The following KCNH7 variants were observed in gnomAD, a reference collection of about 807,000 sequenced individuals.
KCNH7 encodes the protein voltage-gated inwardly rectifying potassium channel KCNH7.
KCNH7 carries 49 observed loss-of-function variants against 120.8 expected under a neutral mutation model. That is an observed-to-expected ratio of 0.41 (90% confidence interval 0.32 to 0.51). KCNH7 has a LOEUF of 0.51. Among genes scored for constraint, KCNH7 ranks in the 20% least tolerant of loss-of-function variants. The probability of loss-of-function intolerance (pLI) is 0.38; values close to 1 mark genes in which losing one functional copy is unlikely to be tolerated. For synonymous variants in KCNH7, 547 were observed against 516.1 expected (o/e 1.06, Z -0.81); for missense variants, 1,097 against 1,446.6 (o/e 0.76, Z 3.92).
chr2:162,577,350 T>TATCTATCC (rs1553497493), intron 2 of KCNH7, among the ~76,000 whole-genome samples: 1 of 45,154 alleles, frequency 2.2e-5, no homozygotes, highest in East Asian at 3.2e-4. Context: ...CTATCCATCC[T>TATCTATCC]ATCTATCTAT....
chr2:162,750,026 G>A (rs937706320), intron 2 of KCNH7, among the ~76,000 whole-genome samples: 2 of 152,142 alleles, frequency 1.3e-5, no homozygotes, highest in East Asian at 1.9e-4. Context: ...GACTTAGATA[G>A]CCTAGGAAGG....
rs140911221 is a variant in KCNH7 at position 162,573,452 on chromosome 2, C to T, written c.308-36372G>A. Reference sequence around the variant, plus strand: ...TAGCATAATTAAAATAAACGAAGATCAGGCATAAAGATTTAAGCTGACATA... The same window carrying T: ...TAGCATAATTAAAATAAACGAAGATTAGGCATAAAGATTTAAGCTGACATA... On this transcript the variant is annotated intron_variant, in intron 2 of 15. Coordinates refer to ENST00000332142, the MANE Select transcript of KCNH7 (RefSeq NM_033272.4). 3.0e-3 allele frequency among the ~76,000 whole-genome samples: 456 copies of T among 152,074 alleles called. 1 individual carries two copies. The highest frequency in any genetic ancestry group is 0.01 in the African/African-American group (433 of 41,504).
chr2:162,729,582 TC>T (rs1460580335), intron 2 of KCNH7, among the ~76,000 whole-genome samples: 1 of 152,118 alleles, frequency 6.6e-6, no homozygotes, highest in Non-Finnish European at 1.5e-5. Context: ...ATACAGACAA[TC>T]TTACTTCTTA....
chr2:162,649,491 C>G (rs574418833), intron 2 of KCNH7, among the ~76,000 whole-genome samples: 1 of 152,300 alleles, frequency 6.6e-6, no homozygotes, highest in South Asian at 2.1e-4. Context: ...TATTAACTCT[C>G]TCCTGATAAG....
chr2:162,794,572 T>C (rs1684071131), intron 2 of KCNH7, among the ~76,000 whole-genome samples: 1 of 152,178 alleles, frequency 6.6e-6, no homozygotes, highest in African/African-American at 2.4e-5. Context: ...ACTGTCCTTT[T>C]AATGTTTACT....
intron 6 of KCNH7, among the ~76,000 whole-genome samples, chr2:162,492,872 T>TTTC (rs1690361778): frequency 1.2e-5 from 1 of 83,024 alleles, no homozygotes; most frequent in African/African-American, 6.4e-5. Context: ...CTTGTTTTTT[T>TTTC]TTTTTTTTTT....
In KCNH7 at chr2:162,521,397, A is replaced by C. The variant is rs556853898; in HGVS notation, c.464-3239T>G. Reference sequence around the variant, plus strand: ...TGTACTGACTGATATTTAACAAAAAATGTTGATTGAGTAGAACTCAATAGT... The same window carrying C: ...TGTACTGACTGATATTTAACAAAAACTGTTGATTGAGTAGAACTCAATAGT... On this transcript the variant is annotated intron_variant, in intron 3 of 15. Transcript: ENST00000332142. 7.2e-5 allele frequency among the ~76,000 whole-genome samples: 11 copies of C among 152,040 alleles called. No individual in the cohort carries two copies. The South Asian group carries it at 2.1e-3, about 29-fold the overall frequency.
At chr2:162,773,949 C>T (rs1332802391) in intron 2 of KCNH7, among the ~76,000 whole-genome samples, 1 of 152,140 alleles carries the variant, frequency 6.6e-6, no homozygotes, top group African/African-American at 2.4e-5. Context: ...TTTCAACACT[C>T]ATACTTAGTA....
intron 2 of KCNH7, among the ~76,000 whole-genome samples, chr2:162,753,306 C>T (rs1188457399): frequency 1.3e-5 from 2 of 152,070 alleles, no homozygotes; most frequent in Non-Finnish European, 2.9e-5. Context: ...AAGATACTCA[C>T]ATATAATTTC....
At chr2:162,462,828 C>A (rs1420646298) in intron 6 of KCNH7, among the ~76,000 whole-genome samples, 2 of 152,092 alleles carry the variant, frequency 1.3e-5, no homozygotes, top group Middle Eastern at 3.4e-3. Context: ...GGTCATTCCA[C>A]AATGTTTACG....
intron 2 of KCNH7, among the ~76,000 whole-genome samples, chr2:162,783,239 G>C (rs1172920734): frequency 6.6e-6 from 1 of 152,108 alleles, no homozygotes; most frequent in Non-Finnish European, 1.5e-5. Flanking sequence ...TATGATAATA[G>C]TTGGGCTTCA....
At chr2:162,476,086 C>G (rs946796325) in intron 6 of KCNH7, among the ~76,000 whole-genome samples, 13 of 152,202 alleles carry the variant, frequency 8.5e-5, no homozygotes, top group Non-Finnish European at 1.5e-5. Flanking sequence ...CAAGCCTTGT[C>G]CGGAACATTT....
chr2:162,593,000 C>A (rs947366013), intron 2 of KCNH7, among the ~76,000 whole-genome samples: 5 of 151,972 alleles, frequency 3.3e-5, no homozygotes, highest in African/African-American at 1.2e-4. Context: ...TACTCATAAT[C>A]AATCATCTAA....
chr2:162,548,512 A>G (rs1692555232), intron 2 of KCNH7, among the ~76,000 whole-genome samples: 1 of 152,138 alleles, frequency 6.6e-6, no homozygotes, highest in African/African-American at 2.4e-5. Flanking sequence ...GTAACAGGGT[A>G]ATGACTGCTA....
At chr2:162,686,290 AC>A (rs1391501505) in intron 2 of KCNH7, among the ~76,000 whole-genome samples, 2 of 152,178 alleles carry the variant, frequency 1.3e-5, no homozygotes, top group African/African-American at 4.8e-5. Flanking sequence ...TAAAAACAAA[AC>A]AAAGCAAATC....
chr2:162,716,188 G>T (rs1687118903), intron 2 of KCNH7, among the ~76,000 whole-genome samples: 1 of 152,006 alleles, frequency 6.6e-6, no homozygotes, highest in African/African-American at 2.4e-5. Context: ...ACTATCAAAA[G>T]AAATCTTCTC....
At chr2:162,555,209 G>A (rs761902406) in intron 2 of KCNH7, among the ~76,000 whole-genome samples, 1 of 152,086 alleles carries the variant, frequency 6.6e-6, no homozygotes, top group Non-Finnish European at 1.5e-5. Context: ...TATTTGGAGG[G>A]CAAATTAAGA....
intron 2 of KCNH7, among the ~76,000 whole-genome samples, chr2:162,620,738 T>C (rs1683324247): frequency 6.6e-6 from 1 of 152,196 alleles, no homozygotes; most frequent in African/African-American, 2.4e-5. Context: ...TTCAGGTAGA[T>C]AGAAATGGCA....
At chr2:162,710,930 G>A (rs565457064) in intron 2 of KCNH7, among the ~76,000 whole-genome samples, 3 of 151,966 alleles carry the variant, frequency 2.0e-5, no homozygotes, top group South Asian at 2.1e-4. Context: ...CCTACAAACC[G>A]CCATTTTGCA....
Sources: gnomAD v4.1 joint callset for allele counts (sites outside exome capture counted in the v4.1 genomes callset) on GRCh38, gnomAD v4.1.1 for gene constraint, MANE v1.5 for transcripts, NCBI Gene and HGNC (gene_info 2026-07-23, HGNC 2026-07-21) for gene names.